TTN: variants seen among roughly 807,000 people sequenced by gnomAD.
The protein encoded by TTN is connectin.
A neutral mutation model predicts 3,223.0 loss-of-function variants in TTN; 1,525 were observed. The observed-to-expected ratio is 0.47, with a 90% CI of 0.45 to 0.49. TTN has a LOEUF of 0.49. Ranked by LOEUF, TTN falls within the 20% of genes least tolerant of loss-of-function variation. TTN has a pLI of 0.00. For synonymous variants in TTN, 14,094 were observed against 15,161.0 expected (o/e 0.93, Z 5.17); for missense variants, 40,786 against 43,424.0 (o/e 0.94, Z 5.40).
intron 78 of TTN, 132 bp from the exon 79 acceptor site, chr2:178,721,334 T>A (rs1377732243): frequency 1.3e-6 from 1 of 788,184 alleles, no homozygotes; most frequent in East Asian, 3.3e-5. Flanking sequence ...TTCTGAGGAT[T>A]TTACAGTAAA....
At position 178,725,774 on chromosome 2, in the gene TTN, A is replaced by G. The variant is rs1578081741; in HGVS notation, c.20548T>C (p.Leu6850=). Residue 6850 remains leucine, a synonymous_variant, in exon 70 of 363, where the codon TTG becomes CTG. Coordinates refer to ENST00000589042, the MANE Select transcript of TTN (RefSeq NM_001267550.2). ...GTGGATGAACTATATTTACCTTTCA[A>G]TTTTACAGTACAAACACAAGTATCA... ...GSDTCVCTVK[L]KEPPRFVSKL... is the part of the protein sequence containing the mutation. 1.9e-6 allele frequency: 3 copies of G among 1,587,890 alleles called. No individual in the cohort carries two copies. Among genetic ancestry groups the G allele is most frequent in the Non-Finnish European group, 2.6e-6 (3 of 1,165,534 alleles).
At position 178,594,564 on chromosome 2, in the gene TTN, A is replaced by G; in HGVS notation, c.57930T>C (p.Tyr19310=). The stretch of plus-strand genomic sequence containing the variant: ...AGTTAATAATTTCTGACCCACCATC[A>G]TACTTAGGAGGATTCCAAGTCAAAG... ...TVTLTWNPPK[Y]DGGSEIINYV... Residue 19310 remains tyrosine, a synonymous_variant, in exon 296 of 363, where the codon TAT becomes TAC. Transcript: ENST00000589042. 2 of 1,613,298 alleles carry G rather than the reference A, an allele frequency of 1.2e-6. No homozygotes were observed. Among genetic ancestry groups the G allele is most frequent in the Non-Finnish European group, 1.7e-6 (2 of 1,179,486 alleles).
rs1222052593 is a variant in TTN at position 178,717,757 on chromosome 2, G to A, written c.25117C>T (p.Leu8373=). The A allele has an allele frequency of 3.1e-6, 5 of 1,612,256 alleles. No individual in the cohort carries two copies. Among genetic ancestry groups the A allele is most frequent in the South Asian group, 1.1e-5 (1 of 90,826 alleles). ...ARKLKDVHET[L]GFPVAFECRI... ...CATTCAAATGCAACTGGGAAGCCTAGAGTCTCATGAACGTCTTTCAGTTTT... is the reference window on the plus strand; with the variant it reads ...CATTCAAATGCAACTGGGAAGCCTAAAGTCTCATGAACGTCTTTCAGTTTT... Residue 8373 remains leucine (L), a synonymous_variant, in exon 87 of 363, where the codon CTA becomes TTA. Transcript: ENST00000589042.
chr2:178,708,500 T>C (rs2076196611), intron 99 of TTN, among the ~76,000 whole-genome samples: 1 of 152,184 alleles, frequency 6.6e-6, no homozygotes, highest in African/African-American at 2.4e-5. Flanking sequence ...CTAGAAAGAA[T>C]AAGGCCATTT....
rs1708279198 is a variant in TTN, at chr2:178,571,787, T to C, written c.74345A>G (p.Asp24782Gly). The C allele has an allele frequency of 6.2e-7, 1 of 1,613,372 alleles. No homozygotes were observed. Among genetic ancestry groups the C allele is most frequent in the South Asian group, 1.1e-5 (1 of 91,054 alleles). Residue 24782 changes from aspartate to glycine, a missense_variant, in exon 326 of 363, where the codon GAT (aspartate) becomes GGT (glycine). Coordinates refer to ENST00000589042, the MANE Select transcript of TTN (RefSeq NM_001267550.2). The part of the protein sequence containing the change: ...LLTIKDACRE[D>G]VGHYVVKLTN... ...CAGTTTAACCACATAATGGCCAACA[T>C]CTTCTCGGCAGGCGTCCTTTATTGT...
In TTN at chr2:178,621,293, G is replaced by C; in HGVS notation, c.45425C>G (p.Ser15142Cys). Reference protein sequence around the residue: ...LEGEKAEFVCSISKESFPVQW... With the variant: ...LEGEKAEFVCCISKESFPVQW... Reference sequence around the variant, plus strand: ...GACTGGAAAGCTTTCTTTTGATATAGAGCAGACAAATTCAGCCTTTTCTCC... The same window carrying C: ...GACTGGAAAGCTTTCTTTTGATATACAGCAGACAAATTCAGCCTTTTCTCC... The change falls in exon 246 of 363, where the codon TCT becomes TGT. Residue 15142 changes from serine (S) to cysteine (C), a missense_variant. Ser to Cys is a moderately radical substitution (Grantham distance 112). Transcript: ENST00000589042. 2 of 1,612,030 alleles carry C rather than the reference G, an allele frequency of 1.2e-6. No homozygotes were observed. Among genetic ancestry groups the C allele is most frequent in the Non-Finnish European group, 1.7e-6 (2 of 1,179,022 alleles).
chr2:178,603,870 A>G lies in TTN; in HGVS notation c.54811+6T>C, dbSNP rs2054131854. The G allele has an allele frequency of 6.5e-7, 1 of 1,543,666 alleles. No individual in the cohort carries two copies. Among genetic ancestry groups the G allele is most frequent in the South Asian group, 1.3e-5 (1 of 79,324 alleles). On this transcript the variant is annotated splice_donor_region_variant and intron_variant, in intron 282 of 362. Coordinates refer to ENST00000589042, the MANE Select transcript of TTN (RefSeq NM_001267550.2). ...AATTAGTCCCCAGAAACGGAAGCATACTTACATATGGGATCTCCTGCAACC... is the reference window on the plus strand; with the variant it reads ...AATTAGTCCCCAGAAACGGAAGCATGCTTACATATGGGATCTCCTGCAACC...
Position 178,720,564 on chromosome 2 carries a change from A to G in TTN, c.23198T>C (p.Val7733Ala). ...CTGCTTTCGATCTTTAACCCATACTACTTCAAATGGGGGAGTTCCCGAAAT... is the reference window on the plus strand; with the variant it reads ...CTGCTTTCGATCTTTAACCCATACTGCTTCAAATGGGGGAGTTCCCGAAAT... ...CEISGTPPFE[V>A]VWVKDRKQVR... The change falls in exon 80 of 363, where the codon GTA becomes GCA. Residue 7733 changes from valine to alanine, a missense_variant. Val to Ala is a moderately conservative substitution (Grantham distance 64, BLOSUM62 0). Transcript: ENST00000589042. 3.7e-6 allele frequency: 6 copies of G among 1,613,426 alleles called. No individual in the cohort carries two copies. The highest frequency in any genetic ancestry group is 5.1e-6 in the Non-Finnish European group (6 of 1,179,560).
At chr2:178,667,151 G>T in intron 162 of TTN, 85 bp downstream of exon 162, 1 of 1,194,110 alleles carries the variant, frequency 8.4e-7, no homozygotes, top group Non-Finnish European at 1.2e-6. Context: ...TAGAGGTTGT[G>T]AGAATGTATA....
chr2:178,733,817 A>C lies in TTN; in HGVS notation c.15572T>G (p.Val5191Gly). The C allele has an allele frequency of 3.1e-6, 5 of 1,613,752 alleles. No individual in the cohort carries two copies. The highest frequency in any genetic ancestry group is 4.2e-6 in the Non-Finnish European group (5 of 1,179,720). The change falls in exon 53 of 363, where the codon GTG becomes GGG. Residue 5191 changes from valine to glycine, a missense_variant. Val to Gly is a moderately radical substitution (Grantham distance 109, BLOSUM62 -3). Coordinates refer to ENST00000589042, the MANE Select transcript of TTN (RefSeq NM_001267550.2). ...GACAGAAATGGGCTCTGACCCTCTCACAGCAGCTTGCAGGGTAACGGTTTG... is the reference window on the plus strand; with the variant it reads ...GACAGAAATGGGCTCTGACCCTCTCCCAGCAGCTTGCAGGGTAACGGTTTG... ...GGQTVTLQAA[V>G]RGSEPISVTW...
Position 178,722,099 on chromosome 2 carries a change from C to A in TTN, c.22564G>T (p.Val7522Leu). ...KKSPFFDIKPVSIDVIAGESA... is the reference protein window; with the variant it reads ...KKSPFFDIKPLSIDVIAGESA... ...TCTCCAGCAATAACATCTATAGATACAGGCTTGATGTCAAAGAAGGGAGAT... is the reference window on the plus strand; with the variant it reads ...TCTCCAGCAATAACATCTATAGATAAAGGCTTGATGTCAAAGAAGGGAGAT... The change falls in exon 78 of 363, where the codon GTA becomes TTA. Residue 7522 changes from valine (V) to leucine (L), a missense_variant. Transcript: ENST00000589042. 3 of 1,597,100 alleles carry A rather than the reference C, an allele frequency of 1.9e-6. No homozygotes were observed. The highest frequency in any genetic ancestry group is 2.6e-6 in the Non-Finnish European group (3 of 1,170,890).
At chr2:178,672,567 A>G in intron 153 of TTN, 68 bp downstream of exon 153, 1 of 1,600,914 alleles carries the variant, frequency 6.2e-7, no homozygotes, top group South Asian at 1.1e-5. Flanking sequence ...AGACACAGAG[A>G]CATGAAACAT....
At chr2:178,617,722 A>G in intron 253 of TTN, 57 bp downstream of exon 253, 1 of 1,566,430 alleles carries the variant, frequency 6.4e-7, no homozygotes, top group Admixed American at 2.0e-5. Flanking sequence ...ATTTTAATTG[A>G]TAGGCCTAAT....
chr2:178,757,884 A>C lies in TTN; in HGVS notation c.10336T>G (p.Ser3446Ala), dbSNP rs1254767063. 7.8e-6 allele frequency: 12 copies of C among 1,528,694 alleles called. No homozygotes were observed. Among genetic ancestry groups the C allele is most frequent in the Non-Finnish European group, 1.1e-5 (12 of 1,140,928 alleles). The allele number at this position is 1,528,694 out of a possible 1,614,324, so 94.7% of individuals were successfully genotyped here. ...FSKFEENTSN[S>A]QWHVSLSVSF... is the part of the protein sequence containing the mutation. ...ACTGATAAAGAGACATGCCATTGGG[A>C]GTTTGATGTATTTTCTTCAAATTTG... The change falls in exon 45 of 363, where the codon TCC becomes GCC. Residue 3446 changes from serine to alanine, a missense_variant. Physicochemically the swap from Ser to Ala is moderately conservative, Grantham distance 99. Coordinates refer to ENST00000589042, the MANE Select transcript of TTN (RefSeq NM_001267550.2).
At position 178,563,179 on chromosome 2, in the gene TTN, A is replaced by G; in HGVS notation, c.82953T>C (p.Ser27651=). The change falls in exon 326 of 363, where the codon TCT becomes TCC. Residue 27651 remains serine, a synonymous_variant. Transcript: ENST00000589042. This position sits in a 1 kb window ranked among gnomAD's most constrained non-coding sequence, Gnocchi z 4.5. ...EYNFRICAIN[S]EGVGEPATLP... ...GAGTTGCAGGTTCACCTACACCTTC[A>G]GAATTGATGGCACAAATACGGAAGT... 6.2e-7 allele frequency: 1 copy of G among 1,613,746 alleles called. No homozygotes were observed. Among genetic ancestry groups the G allele is most frequent in the Middle Eastern group, 1.7e-4 (1 of 6,060 alleles).
chr2:178,792,064 A>G lies in TTN; in HGVS notation c.1662+8T>C, dbSNP rs777742869. The G allele has an allele frequency of 6.2e-7, 1 of 1,611,328 alleles. No homozygotes were observed. The highest frequency in any genetic ancestry group is 1.7e-4 in the Middle Eastern group (1 of 6,038). On this transcript the variant is annotated splice_region_variant and intron_variant, in intron 10 of 362. Coordinates refer to ENST00000589042, the MANE Select transcript of TTN (RefSeq NM_001267550.2). ...CAAACTACAAAATATTTAGAAAATC[A>G]GACTTACTGCTTCTTGAGTTACTTG... is the stretch of plus-strand genomic sequence containing the variant.
intron 220 of TTN, among the ~76,000 whole-genome samples, chr2:178,640,917 C>A (rs925962800): frequency 3.3e-5 from 5 of 152,006 alleles, no homozygotes; most frequent in Admixed American, 6.6e-5. Context: ...TAAAAACCAA[C>A]CCATTTAAAA....
intron 115 of TTN, 50 bp from the exon 116 acceptor site, chr2:178,694,956 T>TTCTCTCTCTCTCTA: frequency 1.5e-6 from 2 of 1,344,040 alleles, no homozygotes; most frequent in Non-Finnish European, 2.1e-6. Context: ...CCTATTAAAA[T>TTCTCTCTCTCTCTA]TCTCTCTCTC....
At position 178,537,952 on chromosome 2, in the gene TTN, T is replaced by C. The variant is rs1337625424; in HGVS notation, c.99290-35A>G. On this transcript the variant is annotated intron_variant, in intron 354 of 362. Transcript: ENST00000589042. Reference sequence around the variant, plus strand: ...ATGAAAGATAATATTAAGTGACTGTTAATACTCAATCTGTAATCCTTTGTC... The same window carrying C: ...ATGAAAGATAATATTAAGTGACTGTCAATACTCAATCTGTAATCCTTTGTC... The C allele has an allele frequency of 2.0e-6, 3 of 1,504,206 alleles. No individual in the cohort carries two copies. In the Admixed American group the frequency reaches 6.0e-5, roughly 30 times the overall value. 93.2% of individuals were successfully genotyped at this position (1,504,206 alleles called of 1,614,324 possible). A position where few individuals can be genotyped will look rare whatever the true frequency, so the allele number is the denominator to read the frequency against.
Sources: allele counts gnomAD v4.1 joint callset (sites outside exome capture counted in the v4.1 genomes callset), GRCh38; gene constraint gnomAD v4.1.1; non-coding constraint Gnocchi (gnomAD v3.1); transcripts MANE v1.5; gene names NCBI Gene and HGNC (gene_info 2026-07-23, HGNC 2026-07-21).